The following STPG2 variants were observed in gnomAD, a reference collection of about 807,000 sequenced individuals.
The protein encoded by STPG2 is sperm tail PG-rich repeat containing 2, also known as sperm-tail PG-rich repeat-containing protein 2.
Under a neutral mutation model 54.2 loss-of-function variants are expected in STPG2, and 56 were observed. That is an observed-to-expected ratio of 1.03 (90% CI 0.83 to 1.29). The LOEUF is 1.29. STPG2 is among the 50% of genes most tolerant of loss of function. The pLI, the probability that STPG2 is intolerant of heterozygous loss-of-function variation, is 0.00. For missense variants in STPG2, 596 were observed against 544.9 expected (o/e 1.09, Z -0.93); for synonymous variants, 200 against 181.8 (o/e 1.10, Z -0.81).
chr4:97,888,244 T>C (rs924316192), intron 8 of STPG2, among the ~76,000 whole-genome samples: 2 of 152,136 alleles, frequency 1.3e-5, no homozygotes, highest in Non-Finnish European at 2.9e-5. Context: ...GCCACCATCC[T>C]CCAGACCCCA....
At chr4:98,097,470 A>G (rs998591093) in intron 5 of STPG2, among the ~76,000 whole-genome samples, 2 of 152,210 alleles carry the variant, frequency 1.3e-5, no homozygotes, top group Non-Finnish European at 2.9e-5. Context: ...TATAGAAGGA[A>G]CATACCTCAA....
intron 5 of STPG2, among the ~76,000 whole-genome samples, chr4:98,082,442 T>C: frequency 3.0e-4 from 1 of 3,376 alleles, no homozygotes; most frequent in African/African-American, 1.5e-3. Flanking sequence ...ACTTTTTTTT[T>C]TTTTTTTTTT....
In STPG2 at chr4:97,598,646, A is replaced by G. The variant is rs1733368566; in HGVS notation, c.1321-39529T>C. On this transcript the variant is annotated intron_variant, in intron 10 of 10. Transcript: ENST00000295268. ...ACCTACAACCCTCTGATCTTTGAAG[A>G]AGTTGACAAAAACAAGCAACGGGAA... Among the ~76,000 whole-genome samples the G allele has an allele frequency of 2.0e-5, 3 of 152,248 alleles. No individual in the cohort carries two copies. The South Asian group carries it at 6.2e-4, about 32-fold the overall frequency.
At chr4:97,582,293 T>A (rs908594029) in intron 10 of STPG2, among the ~76,000 whole-genome samples, 2 of 152,044 alleles carry the variant, frequency 1.3e-5, no homozygotes, top group African/African-American at 4.8e-5. Context: ...GTTGGTTGAA[T>A]CAGTTAGTGG....
intron 4 of STPG2, among the ~76,000 whole-genome samples, chr4:97,491,475 G>C (rs1039258236): frequency 5.9e-5 from 9 of 151,456 alleles, no homozygotes; most frequent in Admixed American, 1.3e-4. Context: ...ACATAGTAGA[G>C]AGTATCAAAA....
At chr4:98,001,520 T>A (rs1735415678) in intron 5 of STPG2, among the ~76,000 whole-genome samples, 1 of 152,042 alleles carries the variant, frequency 6.6e-6, no homozygotes, top group African/African-American at 2.4e-5. Context: ...ACATTATCAC[T>A]TAATGAATAA....
At chr4:97,827,236 C>CT (rs34545198) in intron 9 of STPG2, among the ~76,000 whole-genome samples, 51,376 of 129,870 alleles carry the variant, frequency 0.4, 10,646 homozygotes, top group Middle Eastern at 0.47. Flanking sequence ...CTATAGACAG[C>CT]TTTTTTTTTT....
chr4:97,638,496 G>T (rs1357295294), intron 10 of STPG2, among the ~76,000 whole-genome samples: 1 of 152,054 alleles, frequency 6.6e-6, no homozygotes, highest in Non-Finnish European at 1.5e-5. Flanking sequence ...TGACAAATGG[G>T]ATCTCATTAA....
chr4:97,665,111 C>T (rs1387926564), intron 10 of STPG2, among the ~76,000 whole-genome samples: 5 of 152,118 alleles, frequency 3.3e-5, no homozygotes, highest in African/African-American at 7.2e-5. Context: ...CTGCAGAGCC[C>T]CAAAGAGGGT....
Position 97,639,254 on chromosome 4 carries a change from G to A in STPG2, c.1320+73445C>T, listed in dbSNP as rs968581112. ...GTAAACTATCGCAAGAACAAAACCC[G>A]AACACCGCATATTCTCACTCATAGG... On this transcript the variant is annotated intron_variant, in intron 10 of 10. Transcript: ENST00000295268. Among the ~76,000 whole-genome samples, 13 of 150,976 alleles carry A rather than the reference G, an allele frequency of 8.6e-5. 1 individual carries two copies. Among genetic ancestry groups the A allele is most frequent in the African/African-American group, 1.9e-4 (8 of 41,142 alleles).
intron 7 of STPG2, among the ~76,000 whole-genome samples, chr4:97,964,746 T>C (rs909584166): frequency 6.6e-5 from 10 of 152,218 alleles, no homozygotes; most frequent in Admixed American, 2.0e-4. Context: ...GTTGTTGTCT[T>C]AAAATCACAC....
intron 10 of STPG2, among the ~76,000 whole-genome samples, chr4:97,675,846 T>A (rs1327372607): frequency 6.7e-6 from 1 of 150,048 alleles, no homozygotes; most frequent in African/African-American, 2.5e-5. Context: ...TGTGGGAGAG[T>A]AATAACATTG....
intron 7 of STPG2, among the ~76,000 whole-genome samples, chr4:97,964,259 C>T (rs1213787796): frequency 6.6e-6 from 1 of 152,162 alleles, no homozygotes; most frequent in Non-Finnish European, 1.5e-5. Context: ...AAAATAAACA[C>T]TAGCACACAA....
intron 6 of STPG2, among the ~76,000 whole-genome samples, chr4:97,975,989 T>C (rs750088424): frequency 6.6e-6 from 1 of 152,194 alleles, no homozygotes; most frequent in Non-Finnish European, 1.5e-5. Context: ...TGGGTAGTAC[T>C]AGGTTAGACG....
intron 5 of STPG2, among the ~76,000 whole-genome samples, chr4:97,998,121 T>C (rs1404621187): frequency 4.6e-5 from 7 of 152,206 alleles, no homozygotes; most frequent in Non-Finnish European, 7.3e-5. Flanking sequence ...ATAGATTGTC[T>C]ACAAAGGTGG....
chr4:98,019,526 T>G (rs780795323), intron 5 of STPG2, among the ~76,000 whole-genome samples: 4 of 151,930 alleles, frequency 2.6e-5, no homozygotes, highest in South Asian at 4.2e-4. Flanking sequence ...ATATGAACTT[T>G]AAAGTAGTTT....
intron 10 of STPG2, among the ~76,000 whole-genome samples, chr4:97,676,189 G>A (rs1722838908): frequency 6.6e-6 from 1 of 150,456 alleles, no homozygotes; most frequent in Admixed American, 6.7e-5. Context: ...TGTATGATTC[G>A]AGACTATTCA....
intron 7 of STPG2, among the ~76,000 whole-genome samples, chr4:97,965,022 G>A (rs765444966): frequency 1.1e-4 from 16 of 152,170 alleles, no homozygotes; most frequent in East Asian, 1.9e-4. Flanking sequence ...AGGGCAAGCC[G>A]AAGTAGGACA....
At chr4:97,825,115 TA>T (rs200972835) in intron 9 of STPG2, among the ~76,000 whole-genome samples, 1 of 151,688 alleles carries the variant, frequency 6.6e-6, no homozygotes, top group Non-Finnish European at 1.5e-5. Context: ...GGCTCCTTGG[TA>T]AAAAAAACTG....
Sources: allele counts gnomAD v4.1 joint callset (sites outside exome capture counted in the v4.1 genomes callset), GRCh38; gene constraint gnomAD v4.1.1; transcripts MANE v1.5; gene names NCBI Gene and HGNC (gene_info 2026-07-23, HGNC 2026-07-21).